The following ABI1 variants were observed in gnomAD, a reference collection of about 807,000 sequenced individuals.
The protein encoded by ABI1 is abl interactor 1.
Under a neutral mutation model 54.6 loss-of-function variants are expected in ABI1, and 14 were observed. That is an observed-to-expected ratio of 0.26 (90% CI 0.17 to 0.40). The LOEUF is 0.40. Among genes scored for constraint, ABI1 ranks in the 10% least tolerant of loss-of-function variants. ABI1 has a pLI of 1.00. For synonymous variants in ABI1, 194 were observed against 209.3 expected (o/e 0.93, Z 0.63); for missense variants, 443 against 598.3 (o/e 0.74, Z 2.71).
At chr10:26,825,094 T>C (rs910309879) in intron 1 of ABI1, among the ~76,000 whole-genome samples, 5 of 152,150 alleles carry the variant, frequency 3.3e-5, no homozygotes, top group African/African-American at 4.8e-5. Flanking sequence ...TTTTTGAAGG[T>C]TGGGGTAGCT....
intron 2 of ABI1, among the ~76,000 whole-genome samples, chr10:26,800,878 C>T (rs1222731683): frequency 1.3e-5 from 2 of 152,196 alleles, no homozygotes; most frequent in East Asian, 1.9e-4. Flanking sequence ...TGGTGGCACA[C>T]GCCTGCAATC....
intron 1 of ABI1, among the ~76,000 whole-genome samples, chr10:26,824,839 A>G (rs967076891): frequency 2.0e-5 from 3 of 152,254 alleles, no homozygotes; most frequent in African/African-American, 7.2e-5. Flanking sequence ...GGCACACTGC[A>G]AAGATACTGC....
Position 26,759,186 on chromosome 10 carries a change from T to C in ABI1, c.873A>G (p.Ile291Met), listed in dbSNP as rs1367303327. 1.9e-6 allele frequency: 3 copies of C among 1,614,136 alleles called. No homozygotes were observed. The highest frequency in any genetic ancestry group is 3.3e-5 in the Admixed American group (2 of 60,010). ...GSQYGTMTRQ[I>M]SRHNSTTSST... ...AAGAAGTAGTAGAGTTGTGTCGAGA[T>C]ATCTGCCTGGTCATTGTGCCATACT... The change falls in exon 8 of 11, where the codon ATA (isoleucine) becomes ATG (methionine). Residue 291 changes from isoleucine (I) to methionine (M), a missense_variant. Coordinates refer to ENST00000376140, the MANE Select transcript of ABI1 (RefSeq NM_001012750.3).
At chr10:26,754,234 T>A (rs907521839) in intron 9 of ABI1, among the ~76,000 whole-genome samples, 11 of 152,202 alleles carry the variant, frequency 7.2e-5, no homozygotes, top group African/African-American at 2.7e-4. Context: ...ACTGCAGCCT[T>A]GACGTCCTGG....
intron 8 of ABI1, among the ~76,000 whole-genome samples, chr10:26,757,727 A>G (rs1209894128): frequency 6.6e-6 from 1 of 152,148 alleles, no homozygotes; most frequent in Non-Finnish European, 1.5e-5. Flanking sequence ...GTGGTTTTCA[A>G]TTCTTAGGAA....
chr10:26,750,028 G>C (rs114205020), intron 10 of ABI1, among the ~76,000 whole-genome samples: 2,364 of 151,994 alleles, frequency 0.016, 52 homozygotes, highest in African/African-American at 0.054. Flanking sequence ...TATAAATATG[G>C]TCCCATTTTC....
In ABI1 at chr10:26,757,448, T is replaced by C. The variant is rs192545701; in HGVS notation, c.997+1614A>G. Among the ~76,000 whole-genome samples, 29 of 152,066 alleles carry C rather than the reference T, an allele frequency of 1.9e-4. 1 individual carries two copies. The highest frequency in any genetic ancestry group is 3.4e-3 in the Middle Eastern group (1 of 294). On this transcript the variant is annotated intron_variant, in intron 8 of 10. Coordinates refer to ENST00000376140, the MANE Select transcript of ABI1 (RefSeq NM_001012750.3). Reference sequence around the variant, plus strand: ...AATCCTATTTGCAGAGTAAATTAAATGTCTAAGTGGGGAAAAGAAAAATAA... The same window carrying C: ...AATCCTATTTGCAGAGTAAATTAAACGTCTAAGTGGGGAAAAGAAAAATAA...
At chr10:26,767,575 G>A (rs1377602564) in intron 6 of ABI1, among the ~76,000 whole-genome samples, 1 of 152,094 alleles carries the variant, frequency 6.6e-6, no homozygotes, top group Non-Finnish European at 1.5e-5. Flanking sequence ...GGAGCATGAG[G>A]GGCTTCTGGG....
At chr10:26,823,912 G>A (rs995019305) in intron 1 of ABI1, among the ~76,000 whole-genome samples, 6 of 151,450 alleles carry the variant, frequency 4.0e-5, no homozygotes, top group African/African-American at 1.2e-4. Context: ...GTAAGAAGGG[G>A]AATCAACAAC....
At chr10:26,788,481 A>G (rs1350885993) in intron 2 of ABI1, among the ~76,000 whole-genome samples, 1 of 152,244 alleles carries the variant, frequency 6.6e-6, no homozygotes, top group East Asian at 1.9e-4. Context: ...TTTCTAAAAT[A>G]TTAATATGAA....
intron 2 of ABI1, among the ~76,000 whole-genome samples, chr10:26,809,127 G>A (rs956328319): frequency 2.0e-5 from 3 of 152,028 alleles, no homozygotes; most frequent in African/African-American, 4.8e-5. Flanking sequence ...AAAATTAGCC[G>A]AGCATGGTGG....
At chr10:26,825,436 G>A (rs1157160996) in intron 1 of ABI1, among the ~76,000 whole-genome samples, 1 of 152,154 alleles carries the variant, frequency 6.6e-6, no homozygotes, top group Non-Finnish European at 1.5e-5. Context: ...TGAGGCGGGA[G>A]GATTACCTGA....
At chr10:26,852,207 C>T (rs2050450653) in intron 1 of ABI1, among the ~76,000 whole-genome samples, 1 of 152,114 alleles carries the variant, frequency 6.6e-6, no homozygotes, top group Non-Finnish European at 1.5e-5. Context: ...GGGCCGAGCA[C>T]GGTGGCTCAC....
intron 1 of ABI1, among the ~76,000 whole-genome samples, chr10:26,857,581 C>A (rs1002525335): frequency 4.1e-5 from 6 of 147,824 alleles, no homozygotes; most frequent in Non-Finnish European, 3.0e-5. Flanking sequence ...GAGGTTGAGG[C>A]TGCAGTAAGC....
intron 2 of ABI1, among the ~76,000 whole-genome samples, chr10:26,795,075 C>A (rs747865095): frequency 2.1e-4 from 31 of 150,440 alleles, no homozygotes; most frequent in Non-Finnish European, 3.2e-4. Context: ...ACCAAGGAGG[C>A]GGAGATTGCA....
chr10:26,815,654 T>C (rs2047515770), intron 2 of ABI1, among the ~76,000 whole-genome samples: 2 of 152,184 alleles, frequency 1.3e-5, no homozygotes, highest in African/African-American at 4.8e-5. Flanking sequence ...ACACCTGTAG[T>C]GCCAGCACTT....
At chr10:26,853,493 G>C (rs1036854362) in intron 1 of ABI1, among the ~76,000 whole-genome samples, 5 of 147,840 alleles carry the variant, frequency 3.4e-5, no homozygotes, top group Admixed American at 3.4e-4. Context: ...CTTTGTAAAT[G>C]CTTCAAAATT....
At chr10:26,837,379 A>C (rs139810435) in intron 1 of ABI1, among the ~76,000 whole-genome samples, 11 of 152,230 alleles carry the variant, frequency 7.2e-5, no homozygotes, top group African/African-American at 2.6e-4. Context: ...TCAGGGCTCC[A>C]GCCTTATGAC....
chr10:26,839,651 T>TAAAAAAAA, intron 1 of ABI1: 1 of 529,976 alleles, frequency 1.9e-6, no homozygotes, highest in South Asian at 2.3e-5. Context: ...TACTTCTGTT[T>TAAAAAAAA]AAAAAAAAAA....
Sources: allele counts gnomAD v4.1 joint callset (sites outside exome capture counted in the v4.1 genomes callset), GRCh38; gene constraint gnomAD v4.1.1; transcripts MANE v1.5; gene names NCBI Gene and HGNC (gene_info 2026-07-23, HGNC 2026-07-21).